DPY19L1: variants seen among roughly 807,000 people sequenced by gnomAD.
DPY19L1 encodes dpy-19 like C-mannosyltransferase 1.
A neutral mutation model predicts 96.9 loss-of-function variants in DPY19L1; 35 were observed. The observed-to-expected ratio is 0.36, with a 90% CI of 0.28 to 0.48. DPY19L1 has a LOEUF of 0.48. DPY19L1 is among the 20% of genes least tolerant of loss of function. The pLI is 0.99. For missense variants in DPY19L1, 521 were observed against 777.9 expected (o/e 0.67, Z 3.93); for synonymous variants, 205 against 252.6 (o/e 0.81, Z 1.79).
rs1784775752 is a variant in DPY19L1 at position 34,973,705 on chromosome 7, T to A, written c.823-100A>T. 1.2e-5 allele frequency: 7 copies of A among 590,102 alleles called. No homozygotes were observed. The Admixed American group carries it at 1.8e-4, about 15-fold the overall frequency. The allele number at this position is 590,102 out of a possible 1,614,324, so 36.6% of individuals were successfully genotyped here. A position where few individuals can be genotyped will look rare whatever the true frequency, so the allele number is the denominator to read the frequency against. On this transcript the variant is annotated intron_variant, in intron 7 of 21. Transcript: ENST00000638088. ...AAATAAAATTATTTTTAACAAATAA[T>A]TTAAACGGTGTGTTGTAAAACAAAC...
chr7:35,016,141 A>T (rs1465095924), intron 3 of DPY19L1, among the ~76,000 whole-genome samples: 1 of 152,244 alleles, frequency 6.6e-6, no homozygotes, highest in Admixed American at 6.5e-5. Flanking sequence ...AGCAATGAGC[A>T]TCTGCCACTG....
In DPY19L1 at chr7:34,949,902, G is replaced by A. The variant is rs749831714; in HGVS notation, c.1321-4C>T. 4 of 1,492,994 alleles carry A rather than the reference G, an allele frequency of 2.7e-6. No individual in the cohort carries two copies. The highest frequency in any genetic ancestry group is 1.9e-5 in the Admixed American group (1 of 52,258). The allele number at this position is 1,492,994 out of a possible 1,614,324, so 92.5% of individuals were successfully genotyped here. On this transcript the variant is annotated splice_region_variant and splice_polypyrimidine_tract_variant and intron_variant, in intron 13 of 21. Transcript: ENST00000638088. The stretch of plus-strand genomic sequence containing the variant: ...TTAGTAAGTTGCCAATATGAGCCTG[G>A]TAAGAAATAAAGTTACCATTATATT...
At chr7:34,968,341 T>A (rs948567046) in intron 9 of DPY19L1, among the ~76,000 whole-genome samples, 3 of 152,216 alleles carry the variant, frequency 2.0e-5, no homozygotes, top group African/African-American at 7.2e-5. Flanking sequence ...TAGGTTCTTT[T>A]ATTATCTCTA....
chr7:35,032,609 T>A (rs187545528), intron 1 of DPY19L1, among the ~76,000 whole-genome samples: 37 of 152,200 alleles, frequency 2.4e-4, no homozygotes, highest in Admixed American at 2.4e-3. Context: ...TCAGACCTTT[T>A]CTCTCATATC....
upstream of DPY19L1, chr7:35,037,687 C>A (rs1009649186): frequency 2.3e-5 from 8 of 347,232 alleles, no homozygotes; most frequent in Non-Finnish European, 2.4e-5. Context: ...GGCGGGGACA[C>A]CCTGCGAGCG....
intron 6 of DPY19L1, among the ~76,000 whole-genome samples, chr7:35,002,319 T>C (rs994654081): frequency 2.6e-5 from 4 of 151,800 alleles, no homozygotes; most frequent in Non-Finnish European, 5.9e-5. Context: ...ACAAAACTTC[T>C]TGGAAATTAA....
intron 6 of DPY19L1, among the ~76,000 whole-genome samples, chr7:34,990,720 C>T (rs1359935312): frequency 6.6e-6 from 1 of 152,168 alleles, no homozygotes; most frequent in Non-Finnish European, 1.5e-5. Context: ...ATAAGGCTAT[C>T]TTTAGGTTTA....
intron 7 of DPY19L1, among the ~76,000 whole-genome samples, chr7:34,988,489 T>A (rs1785097623): frequency 6.6e-6 from 1 of 152,102 alleles, no homozygotes. Context: ...TGCAACCACT[T>A]GTCAATTACT....
chr7:34,973,397 C>T (rs557927936), intron 8 of DPY19L1, 117 bp downstream of exon 8: 171 of 516,144 alleles, frequency 3.3e-4, no homozygotes, highest in African/African-American at 1.6e-3. Flanking sequence ...AATATTTTTA[C>T]TAATAACAGC....
intron 1 of DPY19L1, among the ~76,000 whole-genome samples, chr7:35,028,637 G>T (rs943242013): frequency 6.6e-6 from 1 of 152,114 alleles, no homozygotes; most frequent in African/African-American, 2.4e-5. Context: ...AAAGAATTCC[G>T]GGCGAGTCCA....
chr7:35,005,218 T>C (rs937846186), intron 6 of DPY19L1, among the ~76,000 whole-genome samples: 8 of 151,896 alleles, frequency 5.3e-5, no homozygotes, highest in African/African-American at 1.9e-4. Context: ...GCAGCAGTAA[T>C]CAGGGGAGAA....
chr7:34,959,925 TTATATA>T (rs66774079), intron 10 of DPY19L1, among the ~76,000 whole-genome samples: 63 of 127,948 alleles, frequency 4.9e-4, no homozygotes, highest in Middle Eastern at 5.4e-3. Context: ...ATATATATAT[TTATATA>T]TATATATATA....
chr7:35,027,627 C>A (rs547956157), intron 1 of DPY19L1, among the ~76,000 whole-genome samples: 2 of 139,642 alleles, frequency 1.4e-5, no homozygotes, highest in Admixed American at 1.6e-4. Flanking sequence ...GTCAGGGGTT[C>A]GAAACCATCC....
intron 13 of DPY19L1, 87 bp downstream of exon 13, chr7:34,954,611 T>C (rs1340602375): frequency 7.1e-6 from 5 of 708,146 alleles, no homozygotes; most frequent in African/African-American, 1.8e-5. Context: ...GAATTTCATT[T>C]AATAGTGATA....
intron 10 of DPY19L1, among the ~76,000 whole-genome samples, chr7:34,958,733 T>C (rs1319233573): frequency 6.6e-6 from 1 of 152,232 alleles, no homozygotes; most frequent in Non-Finnish European, 1.5e-5. Context: ...AGAGTTCCTA[T>C]GGATATATAT....
intron 7 of DPY19L1, among the ~76,000 whole-genome samples, chr7:34,984,333 C>T (rs779685092): frequency 9.9e-5 from 15 of 151,978 alleles, no homozygotes; most frequent in African/African-American, 2.9e-4. Context: ...AGATGAGGGG[C>T]GCAGAGGCAT....
At position 34,959,857 on chromosome 7, in the gene DPY19L1, GTA is replaced by G. The variant is rs941136835; in HGVS notation, c.1093-1789_1093-1788del. ...CTGCACATATACTCCAGAACTTAAA[GTA>G]TATATATATATTTTAATATATATGT... On this transcript the variant is annotated intron_variant, in intron 10 of 21. Transcript: ENST00000638088. 1.3e-4 allele frequency among the ~76,000 whole-genome samples: 18 copies of G among 142,530 alleles called. No individual in the cohort carries two copies. In the South Asian group the frequency reaches 1.5e-3, roughly 12 times the overall value. 93.5% of individuals were successfully genotyped at this position (142,530 alleles called of 152,430 possible).
chr7:35,027,157 T>C (rs1418035999), intron 1 of DPY19L1, among the ~76,000 whole-genome samples: 1 of 151,918 alleles, frequency 6.6e-6, no homozygotes, highest in African/African-American at 2.4e-5. Flanking sequence ...TGAGCCGAGA[T>C]TGCGCCATTG....
At chr7:34,957,589 A>G (rs1207480434) in intron 11 of DPY19L1, among the ~76,000 whole-genome samples, 4 of 82,912 alleles carry the variant, frequency 4.8e-5, no homozygotes, top group Non-Finnish European at 1.2e-4. Flanking sequence ...ACAAGGGGCA[A>G]AAAACAAAAC....
Sources: allele counts gnomAD v4.1 joint callset (sites outside exome capture counted in the v4.1 genomes callset), GRCh38; gene constraint gnomAD v4.1.1; transcripts MANE v1.5; gene names NCBI Gene and HGNC (gene_info 2026-07-23, HGNC 2026-07-21).